The following EPHA6 variants were observed in gnomAD, a reference collection of about 807,000 sequenced individuals.
EPHA6 encodes the protein EPH receptor A6.
EPHA6 carries 50 observed loss-of-function variants against 112.0 expected under a neutral mutation model. That is an observed-to-expected ratio of 0.45 (90% CI 0.36 to 0.56). EPHA6 has a LOEUF of 0.56. Ranked by LOEUF, EPHA6 falls within the 20% of genes least tolerant of loss-of-function variation. The pLI is 0.00. For missense variants in EPHA6, 1,280 were observed against 1,417.4 expected (o/e 0.90, Z 1.56); for synonymous variants, 529 against 490.7 (o/e 1.08, Z -1.03).
intron 3 of EPHA6, among the ~76,000 whole-genome samples, chr3:97,185,811 G>C (rs965638568): frequency 2.6e-4 from 40 of 152,084 alleles, no homozygotes; most frequent in East Asian, 9.7e-4. Flanking sequence ...TTGGAACCAA[G>C]CCAAATGTCC....
At chr3:97,733,444 C>T (rs1327532268) in intron 15 of EPHA6, among the ~76,000 whole-genome samples, 1 of 152,060 alleles carries the variant, frequency 6.6e-6, no homozygotes, top group African/African-American at 2.4e-5. Context: ...CATGCTTATA[C>T]TTTGAATCTA....
intron 3 of EPHA6, among the ~76,000 whole-genome samples, chr3:96,996,809 T>C (rs540924552): frequency 1.6e-4 from 24 of 152,234 alleles, no homozygotes; most frequent in African/African-American, 5.8e-4. Context: ...TAAATGGGCA[T>C]TGACTTCCAC....
At chr3:97,376,079 C>G (rs1306701907) in intron 5 of EPHA6, among the ~76,000 whole-genome samples, 1 of 152,082 alleles carries the variant, frequency 6.6e-6, no homozygotes, top group Non-Finnish European at 1.5e-5. Context: ...TACTACACCA[C>G]TATGCAATCT....
chr3:97,355,168 T>G (rs1270934475), intron 5 of EPHA6, among the ~76,000 whole-genome samples: 1 of 152,084 alleles, frequency 6.6e-6, no homozygotes, highest in African/African-American at 2.4e-5. Flanking sequence ...AGAAATCACC[T>G]GAAGGTACAA....
intron 1 of EPHA6, among the ~76,000 whole-genome samples, chr3:96,831,396 C>T (rs764609886): frequency 2.0e-5 from 3 of 152,058 alleles, no homozygotes; most frequent in South Asian, 2.1e-4. Flanking sequence ...TCTTCCAATT[C>T]GCATCTATTA....
At chr3:97,187,319 T>TGCTG in intron 3 of EPHA6, among the ~76,000 whole-genome samples, 1 of 152,224 alleles carries the variant, frequency 6.6e-6, no homozygotes, top group South Asian at 2.1e-4. Context: ...GGCTCACGCC[T>TGCTG]GTATTCCCAG....
chr3:97,378,783 G>T (rs1236003800), intron 5 of EPHA6, among the ~76,000 whole-genome samples: 1 of 152,130 alleles, frequency 6.6e-6, no homozygotes, highest in African/African-American at 2.4e-5. Flanking sequence ...ATGTAGAACG[G>T]CTGTATTTGC....
chr3:96,908,650 G>C (rs982131994), intron 2 of EPHA6, among the ~76,000 whole-genome samples: 4 of 151,906 alleles, frequency 2.6e-5, no homozygotes, highest in Non-Finnish European at 4.4e-5. Flanking sequence ...AACTGAGTGG[G>C]TTCATTAATT....
intron 5 of EPHA6, among the ~76,000 whole-genome samples, chr3:97,266,760 G>A (rs577016525): frequency 7.8e-4 from 107 of 137,944 alleles, no homozygotes; most frequent in Non-Finnish European, 5.0e-4. Flanking sequence ...ATAAACCTCT[G>A]GAAAACTAGT....
At chr3:97,086,257 C>T (rs1056702081) in intron 3 of EPHA6, among the ~76,000 whole-genome samples, 1 of 152,118 alleles carries the variant, frequency 6.6e-6, no homozygotes, top group Admixed American at 6.6e-5. Flanking sequence ...CTGTCAAAGT[C>T]TTGAGCTATA....
At chr3:97,086,037 C>T (rs951837935) in intron 3 of EPHA6, among the ~76,000 whole-genome samples, 7 of 150,610 alleles carry the variant, frequency 4.6e-5, no homozygotes, top group East Asian at 1.9e-4. Flanking sequence ...TGGGTTCAAG[C>T]GACTCTCTTG....
chr3:97,161,444 G>A (rs2076413463), intron 3 of EPHA6, among the ~76,000 whole-genome samples: 1 of 152,154 alleles, frequency 6.6e-6, no homozygotes, highest in Admixed American at 6.5e-5. Flanking sequence ...ATGGCTCATA[G>A]TGGAAGAGCA....
chr3:96,984,149 CT>C (rs1178302755), intron 2 of EPHA6, among the ~76,000 whole-genome samples: 4 of 152,120 alleles, frequency 2.6e-5, no homozygotes, highest in African/African-American at 9.7e-5. Context: ...GAATTTTCAG[CT>C]TTTCTCCTCT....
At chr3:97,014,418 T>G (rs924224969) in intron 3 of EPHA6, among the ~76,000 whole-genome samples, 1 of 149,510 alleles carries the variant, frequency 6.7e-6, no homozygotes, top group Non-Finnish European at 1.5e-5. Flanking sequence ...TCCTTCCTTC[T>G]TTCCCTCCCA....
At chr3:97,409,601 C>A (rs2087576090) in intron 6 of EPHA6, among the ~76,000 whole-genome samples, 1 of 152,012 alleles carries the variant, frequency 6.6e-6, no homozygotes, top group Non-Finnish European at 1.5e-5. Context: ...CTTCATTACT[C>A]TCTCATGTCA....
intron 10 of EPHA6, among the ~76,000 whole-genome samples, chr3:97,484,942 T>G (rs2091660773): frequency 6.6e-6 from 1 of 152,212 alleles, no homozygotes; most frequent in Non-Finnish European, 1.5e-5. Flanking sequence ...ATGGTCCAAA[T>G]AACAATAACA....
intron 11 of EPHA6, among the ~76,000 whole-genome samples, chr3:97,544,807 G>T (rs965608547): frequency 6.6e-6 from 1 of 151,958 alleles, no homozygotes. Context: ...ACTTCTTCCT[G>T]GTTTAGTCTT....
chr3:97,627,033 A>G (rs1243834307), intron 13 of EPHA6, among the ~76,000 whole-genome samples: 2 of 151,906 alleles, frequency 1.3e-5, no homozygotes, highest in Non-Finnish European at 2.9e-5. Context: ...TTCCAGTCCC[A>G]TGCATTAGCT....
chr3:97,313,106 T>C (rs1228873505), intron 5 of EPHA6, among the ~76,000 whole-genome samples: 3 of 151,604 alleles, frequency 2.0e-5, no homozygotes, highest in Admixed American at 6.6e-5. Context: ...ACCAACTTTC[T>C]ACTCTCTATT....
Sources: allele counts gnomAD v4.1 joint callset (sites outside exome capture counted in the v4.1 genomes callset), GRCh38; gene constraint gnomAD v4.1.1; transcripts MANE v1.5; gene names NCBI Gene and HGNC (gene_info 2026-07-23, HGNC 2026-07-21).